The following CRB1 variants were observed in gnomAD, a reference collection of about 807,000 sequenced individuals.
CRB1 encodes crumbs cell polarity complex component 1.
A neutral mutation model predicts 120.0 loss-of-function variants in CRB1; 83 were observed. That is an observed-to-expected ratio of 0.69 (90% CI 0.58 to 0.83). The LOEUF is 0.83. CRB1 is among the 40% of genes least tolerant of loss of function. CRB1 has a pLI of 0.00. For synonymous variants in CRB1, 625 were observed against 612.5 expected, an observed-to-expected ratio of 1.02 and a Z score of -0.30; for missense variants, 1,699 against 1,687.6, an observed-to-expected ratio of 1.01 and a Z score of -0.12.
intron 11 of CRB1, chr1:197,444,590 T>TATGTGA: frequency 6.6e-6 from 1 of 152,240 alleles, no homozygotes; most frequent in South Asian, 2.1e-4. Flanking sequence ...CTCTACCAAA[T>TATGTGA]GTGGTTAAGA....
chr1:197,411,982 C>G (rs1439105918), intron 5 of CRB1, among the ~76,000 whole-genome samples: 3 of 152,158 alleles, frequency 2.0e-5, no homozygotes, highest in Non-Finnish European at 4.4e-5. Context: ...TTCAGCCTCC[C>G]CCTAGCAGAG....
the CRB1 span, among the ~76,000 whole-genome samples, chr1:197,254,303 G>T: frequency 4.5e-4 from 68 of 152,076 alleles, 1 homozygote; most frequent in Admixed American, 4.1e-3. Context: ...TGTCCTGAGT[G>T]ATACACAGAA....
At chr1:197,231,564 G>C in the CRB1 span, among the ~76,000 whole-genome samples, 1 of 152,152 alleles carries the variant, frequency 6.6e-6, no homozygotes, top group Admixed American at 6.5e-5. Flanking sequence ...CATGCTGATA[G>C]AATGAAATTT....
At chr1:197,226,537 T>A in the CRB1 span, among the ~76,000 whole-genome samples, 5 of 152,270 alleles carry the variant, frequency 3.3e-5, no homozygotes, top group East Asian at 9.7e-4. Flanking sequence ...GTTGAAATCC[T>A]AACCCCCAGT....
the CRB1 span, among the ~76,000 whole-genome samples, chr1:197,241,789 G>A: frequency 1.1e-4 from 17 of 151,136 alleles, no homozygotes; most frequent in Non-Finnish European, 1.9e-4. Flanking sequence ...TGGACAGTAT[G>A]GCCATTTTCA....
chr1:197,229,687 C>T, the CRB1 span, among the ~76,000 whole-genome samples: 5 of 152,200 alleles, frequency 3.3e-5, no homozygotes, highest in African/African-American at 7.2e-5. Flanking sequence ...AGCTTTCACT[C>T]GTAAGTGAGA....
At position 197,435,259 on chromosome 1, in the gene CRB1, A is replaced by G. The variant is rs1209147052; in HGVS notation, c.3396A>G (p.Ser1132=). The G allele has an allele frequency of 6.2e-7, 1 of 1,613,888 alleles. No individual in the cohort carries two copies. The highest frequency in any genetic ancestry group is 8.5e-7 in the Non-Finnish European group (1 of 1,179,838). ...AATTTCTCAAAATCTCTACCAATTC[A>G]GTGGTCACTGGCTGTTTGCAGTTAA... The part of the protein sequence containing the change: ...EEQFLKISTN[S]VVTGCLQLNV... The change falls in exon 9 of 12, where the codon TCA becomes TCG. Residue 1132 remains serine, a synonymous_variant. Transcript: ENST00000367400.
chr1:197,338,621 T>C (rs1355971932), intron 2 of CRB1, among the ~76,000 whole-genome samples: 2 of 152,018 alleles, frequency 1.3e-5, no homozygotes, highest in Non-Finnish European at 2.9e-5. Flanking sequence ...GAGGACACAA[T>C]GTGAAAAGGA....
At chr1:197,279,617 G>A (rs1427847682) in intron 1 of CRB1, among the ~76,000 whole-genome samples, 1 of 149,092 alleles carries the variant, frequency 6.7e-6, no homozygotes, top group African/African-American at 2.5e-5. Flanking sequence ...TTTCTACTCA[G>A]CTGCTTCAGT....
rs1398055547 is a variant in CRB1, at chr1:197,405,693, C to T, written c.1172-15307C>T. Reference sequence around the variant, plus strand: ...GGGGAGCGCCTCTGCCCTGCCGCCCCGTCTGGGAGGTGAGGAGCGTCTCTG... The same window carrying T: ...GGGGAGCGCCTCTGCCCTGCCGCCCTGTCTGGGAGGTGAGGAGCGTCTCTG... On this transcript the variant is annotated intron_variant, in intron 5 of 11. Coordinates refer to ENST00000367400, the MANE Select transcript of CRB1 (RefSeq NM_201253.3). 4.0e-5 allele frequency among the ~76,000 whole-genome samples: 6 copies of T among 151,756 alleles called. No individual in the cohort carries two copies. The South Asian group carries it at 8.3e-4, about 21-fold the overall frequency.
At chr1:197,425,245 T>C (rs1275947092) in intron 6 of CRB1, among the ~76,000 whole-genome samples, 2 of 152,212 alleles carry the variant, frequency 1.3e-5, no homozygotes, top group East Asian at 3.8e-4. Context: ...TTATTTTATC[T>C]AACAGTACAC....
chr1:197,288,082 A>T lies in CRB1; in HGVS notation c.70+19600A>T, dbSNP rs569862914. ...GCCGAGTGTTTGAGGAGACCCAGAC[A>T]GATGAAATTCATGAGACGGAGTACC... On this transcript the variant is annotated intron_variant, in intron 1 of 11. Coordinates refer to ENST00000367400, the MANE Select transcript of CRB1 (RefSeq NM_201253.3). 9.2e-5 allele frequency among the ~76,000 whole-genome samples: 14 copies of T among 152,036 alleles called. No homozygotes were observed. The East Asian group carries it at 2.5e-3, about 28-fold the overall frequency.
Position 197,356,957 on chromosome 1 carries a change from C to CT in CRB1, c.1118dup (p.Ser374GlnfsTer4). 6.2e-7 allele frequency: 1 copy of CT among 1,614,222 alleles called. No individual in the cohort carries two copies. Among genetic ancestry groups the CT allele is most frequent in the Non-Finnish European group, 8.5e-7 (1 of 1,180,042 alleles). On this transcript the variant is annotated frameshift_variant, in exon 5 of 12. Coordinates refer to ENST00000367400, the MANE Select transcript of CRB1 (RefSeq NM_201253.3). LOFTEE classifies it high-confidence loss of function. ...GGACGCATCACTGGACTGCCTTCTT[C>CT]TTTCAGCTACCATGAAGCCTCAGGT...
intron 5 of CRB1, among the ~76,000 whole-genome samples, chr1:197,416,996 C>T (rs1223369319): frequency 6.6e-6 from 1 of 152,168 alleles, no homozygotes; most frequent in Non-Finnish European, 1.5e-5. Context: ...TGTGAGCCAC[C>T]GTGCCTGGCC....
At position 197,429,577 on chromosome 1, in the gene CRB1, C is replaced by A. The variant is rs767706271; in HGVS notation, c.2805C>A (p.His935Gln). 1 of 1,613,886 alleles carries A rather than the reference C, an allele frequency of 6.2e-7. No individual in the cohort carries two copies. Among genetic ancestry groups the A allele is most frequent in the East Asian group, 2.2e-5 (1 of 44,874 alleles). Residue 935 changes from histidine to glutamine, a missense_variant, in exon 8 of 12, where the codon CAC becomes CAA. Transcript: ENST00000367400. ...VQWCGFSPCP[H>Q]GAQCQPVLQG... The stretch of plus-strand genomic sequence containing the variant: ...GGTGTGGATTCAGCCCGTGTCCTCA[C>A]GGAGCCCAGTGCCAGCCGGTGCTTC...
rs150195440 is a variant in CRB1, at chr1:197,445,148, G to C, written c.4005+2856G>C. Among the ~76,000 whole-genome samples, 229 of 152,304 alleles carry C rather than the reference G, an allele frequency of 1.5e-3. 5 individuals are homozygous for C. In the East Asian group the frequency reaches 0.04, roughly 27 times the overall value. Reference sequence around the variant, plus strand: ...AGCCATAGTTCAACCTGGTTCTAAAGAGGGGCTGTTTTACCTAAATGACAG... The same window carrying C: ...AGCCATAGTTCAACCTGGTTCTAAACAGGGGCTGTTTTACCTAAATGACAG... On this transcript the variant is annotated intron_variant, in intron 11 of 11. Transcript: ENST00000367400.
chr1:197,372,209 T>C (rs1661406454), intron 5 of CRB1, among the ~76,000 whole-genome samples: 1 of 152,130 alleles, frequency 6.6e-6, no homozygotes, highest in South Asian at 2.1e-4. Context: ...CCCAGGGCCC[T>C]GGACTCAGCC....
chr1:197,288,503 A>G (rs1007832072), intron 1 of CRB1, among the ~76,000 whole-genome samples: 6 of 151,872 alleles, frequency 4.0e-5, no homozygotes, highest in African/African-American at 9.7e-5. Flanking sequence ...TAAGACCCAA[A>G]TGAGGAGAAA....
the CRB1 span, among the ~76,000 whole-genome samples, chr1:197,227,812 G>A: frequency 6.6e-6 from 1 of 152,148 alleles, no homozygotes; most frequent in Non-Finnish European, 1.5e-5. Context: ...TTCCATGAGG[G>A]CCCCGCTCCT....
Sources: allele counts gnomAD v4.1 joint callset (sites outside exome capture counted in the v4.1 genomes callset), GRCh38; gene constraint gnomAD v4.1.1; transcripts MANE v1.5; gene names NCBI Gene and HGNC (gene_info 2026-07-23, HGNC 2026-07-21).